Variants in DAAM2 observed in about 807,000 individuals in gnomAD.
The protein encoded by DAAM2 is dishevelled associated activator of morphogenesis 2.
DAAM2 carries 39 observed loss-of-function variants against 120.7 expected under a neutral mutation model. That is an observed-to-expected ratio of 0.32 (90% CI 0.25 to 0.42). DAAM2 has a LOEUF of 0.42. Among genes scored for constraint, DAAM2 ranks in the 10% least tolerant of loss-of-function variants. The pLI is 1.00. For missense variants in DAAM2, 1,283 were observed against 1,401.7 expected (o/e 0.92, Z 1.35); for synonymous variants, 488 against 524.9 (o/e 0.93, Z 0.96).
intron 14 of DAAM2, chr6:39,882,093 C>T (rs1408843605): frequency 6.6e-6 from 1 of 152,164 alleles, no homozygotes; most frequent in Non-Finnish European, 1.5e-5. Flanking sequence ...AGGATATCTC[C>T]AGCGGGCAGA....
intron 1 of DAAM2, among the ~76,000 whole-genome samples, chr6:39,825,384 TAAAACAAAACAAAAC>T (rs56245657): frequency 0.037 from 3,774 of 101,512 alleles, 185 homozygotes; most frequent in African/African-American, 0.11. Context: ...CAAGACTGTT[TAAAACAAAACAAAAC>T]AAAACAAAAC....
intron 1 of DAAM2, among the ~76,000 whole-genome samples, chr6:39,842,838 A>AG (rs1763403937): frequency 1.4e-5 from 2 of 145,546 alleles, no homozygotes; most frequent in South Asian, 4.4e-4. Context: ...GAAGAGGGGG[A>AG]GGAAGCAGGG....
Position 39,898,897 on chromosome 6 carries a change from A to C in DAAM2, c.2639A>C (p.Glu880Ala). Residue 880 changes from glutamate to alanine, a missense_variant, in exon 22 of 25, where the codon GAG (glutamate) becomes GCG (alanine). By Grantham distance (107) the Glu-to-Ala change is moderately radical (BLOSUM62 -1). Coordinates refer to ENST00000274867, the MANE Select transcript of DAAM2 (RefSeq NM_001201427.2). ...AKVNLAELEK[E>A]VGNLRRGLRA... Reference sequence around the variant, plus strand: ...TACAGCCTAGCAGAACTGGAGAAGGAGGTGGGCAACCTCAGGAGGGGCCTG... The same window carrying C: ...TACAGCCTAGCAGAACTGGAGAAGGCGGTGGGCAACCTCAGGAGGGGCCTG... 1.2e-6 allele frequency: 2 copies of C among 1,612,844 alleles called. No homozygotes were observed. The highest frequency in any genetic ancestry group is 2.2e-5 in the South Asian group (2 of 90,610).
intron 1 of DAAM2, among the ~76,000 whole-genome samples, chr6:39,818,511 G>T (rs1341164580): frequency 6.6e-6 from 1 of 152,240 alleles, no homozygotes; most frequent in African/African-American, 2.4e-5. Context: ...AATAGTGTTA[G>T]ACTTAGCTCT....
chr6:39,820,694 G>C (rs1363415050), intron 1 of DAAM2: 1 of 152,204 alleles, frequency 6.6e-6, no homozygotes, highest in East Asian at 1.9e-4. Context: ...TTGAGCTCCA[G>C]TAGAATCAGT....
At chr6:39,819,552 T>A (rs1762418153) in intron 1 of DAAM2, 1 of 152,200 alleles carries the variant, frequency 6.6e-6, no homozygotes, top group Non-Finnish European at 1.5e-5. Context: ...CCACAAGATT[T>A]TAGTGCTAGG....
chr6:39,886,236 C>T (rs1765375267), intron 15 of DAAM2: 1 of 394,996 alleles, frequency 2.5e-6, no homozygotes, highest in Admixed American at 4.4e-5. Flanking sequence ...TGCATGTCTG[C>T]TAGAAGCAGC....
At position 39,901,179 on chromosome 6, in the gene DAAM2, CCT is replaced by C; in HGVS notation, c.2812-122_2812-121del. The stretch of plus-strand genomic sequence containing the variant: ...CTTCTCACCTCTTCCAGCCCTGCCC[CCT>C]GTGCCAACAGTCCCCAGCCTTGCGC... On this transcript the variant is annotated intron_variant, in intron 23 of 24. Transcript: ENST00000274867. This position sits in a 1 kb window ranked among gnomAD's most constrained non-coding sequence, Gnocchi z 4.5. 4.9e-6 allele frequency: 4 copies of C among 821,318 alleles called. No homozygotes were observed. The highest frequency in any genetic ancestry group is 3.3e-5 in the South Asian group (2 of 60,084). 50.9% of individuals were successfully genotyped at this position (821,318 alleles called of 1,614,324 possible).
chr6:39,832,799 G>T (rs1017342296), intron 1 of DAAM2, among the ~76,000 whole-genome samples: 1 of 152,116 alleles, frequency 6.6e-6, no homozygotes, highest in Non-Finnish European at 1.5e-5. Context: ...TCTGCTGCTT[G>T]GGCCTCTGTG....
chr6:39,845,654 C>T (rs1345513240), intron 1 of DAAM2, among the ~76,000 whole-genome samples: 2 of 152,050 alleles, frequency 1.3e-5, no homozygotes, highest in Non-Finnish European at 1.5e-5. Context: ...CTCTCCTCCT[C>T]CCTCTCTCTT....
At chr6:39,900,295 A>C in intron 23 of DAAM2, 87 bp downstream of exon 23, 1 of 1,486,830 alleles carries the variant, frequency 6.7e-7, no homozygotes. Context: ...ACAGCCCAGG[A>C]GGGACAAACC....
At chr6:39,863,443 GA>G (rs1764296680) in intron 3 of DAAM2, among the ~76,000 whole-genome samples, 1 of 152,132 alleles carries the variant, frequency 6.6e-6, no homozygotes, top group African/African-American at 2.4e-5. Context: ...AAACAAAATA[GA>G]AAACATTGAG....
chr6:39,903,911 CT>C lies in DAAM2; in HGVS notation c.*1876del. 3.1e-6 allele frequency: 1 copy of C among 324,000 alleles called. No individual in the cohort carries two copies. Among genetic ancestry groups the C allele is most frequent in the South Asian group, 2.7e-5 (1 of 36,524 alleles). 20.1% of individuals were successfully genotyped at this position (324,000 alleles called of 1,614,324 possible). A position where few individuals can be genotyped will look rare whatever the true frequency, so the allele number is the denominator to read the frequency against. On this transcript the variant is annotated 3_prime_UTR_variant, in exon 25 of 25. Coordinates refer to ENST00000274867, the MANE Select transcript of DAAM2 (RefSeq NM_001201427.2). ...AACCCAGGTGAGGGCAAGATGAAGG[CT>C]TCCAGGCAGAACAGCTGCAGAGAGT...
chr6:39,890,523 A>G (rs953808490), intron 17 of DAAM2, among the ~76,000 whole-genome samples: 4 of 152,226 alleles, frequency 2.6e-5, no homozygotes, highest in African/African-American at 9.6e-5. Context: ...GAGAGCATAC[A>G]GCATGAGTTC....
At chr6:39,882,810 T>A (rs2149338133) in intron 14 of DAAM2, among the ~76,000 whole-genome samples, 1 of 152,120 alleles carries the variant, frequency 6.6e-6, no homozygotes, top group African/African-American at 2.4e-5. Context: ...GCTGCCTGTA[T>A]CCCTTGCTGC....
intron 1 of DAAM2, among the ~76,000 whole-genome samples, chr6:39,853,444 C>T (rs1383031680): frequency 1.3e-5 from 2 of 152,178 alleles, no homozygotes; most frequent in Non-Finnish European, 2.9e-5. Flanking sequence ...TTCCTGTTCG[C>T]AGGGTCTGTG....
At position 39,849,777 on chromosome 6, in the gene DAAM2, G is replaced by T. The variant is rs148516527; in HGVS notation, c.-56-6470G>T. Among the ~76,000 whole-genome samples, 95 of 152,280 alleles carry T rather than the reference G, an allele frequency of 6.2e-4. No homozygotes were observed. In the East Asian group the frequency reaches 0.017, roughly 28 times the overall value. The stretch of plus-strand genomic sequence containing the variant: ...GGCTTGGGGTGGAAGCAGGTGTGGT[G>T]TAGGTGGGCAGTGGGGAGATGTGTG... On this transcript the variant is annotated intron_variant, in intron 1 of 24. Coordinates refer to ENST00000274867, the MANE Select transcript of DAAM2 (RefSeq NM_001201427.2).
In DAAM2 at chr6:39,879,413, G is replaced by A; in HGVS notation, c.1781G>A (p.Arg594Lys). 4 of 1,613,740 alleles carry A rather than the reference G, an allele frequency of 2.5e-6. No individual in the cohort carries two copies. Among genetic ancestry groups the A allele is most frequent in the Non-Finnish European group, 3.4e-6 (4 of 1,179,856 alleles). ...DPYPSSDVPL[R>K]KKRVPQPSHP... Reference sequence around the variant, plus strand: ...TACCCCAGCAGTGACGTCCCACTCAGGAAAAAGCGTGTCCCCCAGCCTTCT... The same window carrying A: ...TACCCCAGCAGTGACGTCCCACTCAAGAAAAAGCGTGTCCCCCAGCCTTCT... The change falls in exon 14 of 25, where the codon AGG becomes AAG. Residue 594 changes from arginine (R) to lysine (K), a missense_variant. Transcript: ENST00000274867.
intron 19 of DAAM2, among the ~76,000 whole-genome samples, chr6:39,894,179 A>G (rs1364550502): frequency 6.6e-6 from 1 of 152,204 alleles, no homozygotes. Flanking sequence ...GAATATATCT[A>G]AAATGTCAGA....
Sources: gnomAD v4.1 joint callset for allele counts (sites outside exome capture counted in the v4.1 genomes callset) on GRCh38, gnomAD v4.1.1 for gene constraint, Gnocchi (gnomAD v3.1) non-coding constraint, MANE v1.5 for transcripts, NCBI Gene and HGNC (gene_info 2026-07-23, HGNC 2026-07-21) for gene names.